Variants in RTTN observed in about 807,000 individuals in gnomAD.
RTTN encodes rotatin.
In RTTN, 182 loss-of-function variants were observed where a neutral mutation model predicts 269.2. That is an observed-to-expected ratio of 0.68 (90% CI 0.60 to 0.76). RTTN has a LOEUF of 0.76. Among genes scored for constraint, RTTN ranks in the 30% least tolerant of loss-of-function variants. The pLI, the probability that RTTN is intolerant of heterozygous loss-of-function variation, is 0.00. For synonymous variants in RTTN, 1,006 were observed against 963.5 expected (o/e 1.04, Z -0.82); for missense variants, 2,545 against 2,608.6 (o/e 0.98, Z 0.53).
chr18:70,097,374 C>T (rs1270989714), intron 28 of RTTN, among the ~76,000 whole-genome samples: 3 of 152,218 alleles, frequency 2.0e-5, no homozygotes, highest in South Asian at 4.1e-4. Context: ...TGTTCTCTCA[C>T]ATAAGCCTTA....
At chr18:70,155,895 T>A (rs994804684) in intron 14 of RTTN, among the ~76,000 whole-genome samples, 1 of 152,208 alleles carries the variant, frequency 6.6e-6, no homozygotes, top group African/African-American at 2.4e-5. Flanking sequence ...TGGACACTTA[T>A]CACTTCCCCA....
chr18:70,086,605 T>C lies in RTTN; in HGVS notation c.4374+8A>G. On this transcript the variant is annotated splice_region_variant and intron_variant, in intron 32 of 48. Transcript: ENST00000640769. ...CTACTAGGTTGATAATTGTTTAAAATCACCCACCTGCCAAGTATAATCCTT... is the reference window on the plus strand; with the variant it reads ...CTACTAGGTTGATAATTGTTTAAAACCACCCACCTGCCAAGTATAATCCTT... 1 of 1,565,926 alleles carries C rather than the reference T, an allele frequency of 6.4e-7. No individual in the cohort carries two copies. The highest frequency in any genetic ancestry group is 8.7e-7 in the Non-Finnish European group (1 of 1,155,296).
chr18:70,104,963 GCTGT>G (rs759699121), intron 28 of RTTN, among the ~76,000 whole-genome samples: 1 of 152,220 alleles, frequency 6.6e-6, no homozygotes, highest in Non-Finnish European at 1.5e-5. Flanking sequence ...ACTTGAGGAG[GCTGT>G]CTGTCTGTTC....
At chr18:70,012,866 T>C (rs1169140399) in intron 46 of RTTN, among the ~76,000 whole-genome samples, 1 of 152,060 alleles carries the variant, frequency 6.6e-6, no homozygotes, top group Non-Finnish European at 1.5e-5. Context: ...TAAATATTCG[T>C]TGTGTGAAAG....
chr18:70,032,540 G>A (rs2057046987), intron 40 of RTTN, among the ~76,000 whole-genome samples: 1 of 152,144 alleles, frequency 6.6e-6, no homozygotes, highest in Non-Finnish European at 1.5e-5. Context: ...TCTAATTTCA[G>A]ACAAAATAGA....
At chr18:70,164,753 A>G (rs1172093136) in intron 14 of RTTN, among the ~76,000 whole-genome samples, 1 of 152,214 alleles carries the variant, frequency 6.6e-6, no homozygotes, top group Non-Finnish European at 1.5e-5. Flanking sequence ...GAGAAAAGCA[A>G]TATTCAAAAT....
intron 10 of RTTN, among the ~76,000 whole-genome samples, chr18:70,185,151 TA>T (rs568050429): frequency 1.1e-4 from 16 of 145,960 alleles, no homozygotes; most frequent in African/African-American, 2.5e-4. Flanking sequence ...TGTATACCCA[TA>T]AAAAAAAAAG....
intron 8 of RTTN, among the ~76,000 whole-genome samples, chr18:70,191,704 C>T (rs283249): frequency 0.96 from 145,923 of 152,300 alleles, 70,235 homozygotes; most frequent in East Asian, 1. Flanking sequence ...TATCCACAAC[C>T]GAAGCTGGAT....
rs1195822480 is a variant in RTTN at position 70,144,463 on chromosome 18, A to G, written c.2481+1149T>C. Among the ~76,000 whole-genome samples, 5 of 152,202 alleles carry G rather than the reference A, an allele frequency of 3.3e-5. No individual in the cohort carries two copies. In the East Asian group the frequency reaches 5.8e-4, roughly 18 times the overall value. ...AAGTCCCTTACTGTCACTTCATGCT[A>G]GAACAGAATCTGAGGTGGCAAAACC... On this transcript the variant is annotated intron_variant, in intron 18 of 48. Coordinates refer to ENST00000640769, the MANE Select transcript of RTTN (RefSeq NM_173630.4).
intron 19 of RTTN, among the ~76,000 whole-genome samples, chr18:70,142,051 G>C (rs1013785747): frequency 2.6e-5 from 4 of 152,160 alleles, no homozygotes; most frequent in Non-Finnish European, 5.9e-5. Flanking sequence ...AGGTTAGTAA[G>C]CATGTTGTTA....
At chr18:70,008,377 A>G (rs2056261708) in intron 46 of RTTN, 1 of 152,122 alleles carries the variant, frequency 6.6e-6, no homozygotes, top group Non-Finnish European at 1.5e-5. Context: ...CCTCACCAGC[A>G]AGGGAACAAA....
intron 43 of RTTN, among the ~76,000 whole-genome samples, chr18:70,026,259 TAA>T (rs917499130): frequency 2.4e-4 from 36 of 152,180 alleles, no homozygotes; most frequent in African/African-American, 8.4e-4. Flanking sequence ...TCATTTCTGA[TAA>T]GAGTCTGGAT....
chr18:70,189,034 G>C (rs1486185908), intron 9 of RTTN, among the ~76,000 whole-genome samples: 1 of 152,156 alleles, frequency 6.6e-6, no homozygotes. Flanking sequence ...AAAAGGGCAG[G>C]AGAACATTTA....
At chr18:70,133,473 G>A (rs1005866271) in intron 23 of RTTN, among the ~76,000 whole-genome samples, 3 of 152,020 alleles carry the variant, frequency 2.0e-5, no homozygotes, top group African/African-American at 7.2e-5. Context: ...GCCCAAAACA[G>A]AAAACAAATT....
intron 4 of RTTN, among the ~76,000 whole-genome samples, chr18:70,201,131 C>A (rs1187812276): frequency 6.6e-6 from 1 of 152,192 alleles, no homozygotes; most frequent in Non-Finnish European, 1.5e-5. Flanking sequence ...GATGAGATTC[C>A]AGATTCCAGA....
In RTTN at chr18:70,065,860, A is replaced by G; in HGVS notation, c.4716T>C (p.Pro1572=). 6.2e-7 allele frequency: 1 copy of G among 1,601,534 alleles called. No individual in the cohort carries two copies. Among genetic ancestry groups the G allele is most frequent in the South Asian group, 1.1e-5 (1 of 88,928 alleles). ...QPLVQSTTLL[P]EASHDQFVAQ... ...CCACAAACTGGTCATGGGAGGCTTC[A>G]GGTAGAAGTGTTGTTGACTGCACAA... The change falls in exon 35 of 49, where the codon CCT becomes CCC. Residue 1572 remains proline, a synonymous_variant. Coordinates refer to ENST00000640769, the MANE Select transcript of RTTN (RefSeq NM_173630.4).
chr18:70,189,683 C>T (rs2061625837), intron 9 of RTTN, among the ~76,000 whole-genome samples: 1 of 152,136 alleles, frequency 6.6e-6, no homozygotes, highest in South Asian at 2.1e-4. Flanking sequence ...TCAGCTTCAT[C>T]ATTTGTAAAA....
At chr18:70,161,113 G>A (rs1054365290) in intron 14 of RTTN, among the ~76,000 whole-genome samples, 1 of 152,190 alleles carries the variant, frequency 6.6e-6, no homozygotes, top group Non-Finnish European at 1.5e-5. Context: ...TGGGGCTACA[G>A]TAACCAAAAC....
intron 26 of RTTN, among the ~76,000 whole-genome samples, chr18:70,116,978 A>C (rs1235045847): frequency 6.8e-6 from 1 of 147,912 alleles, no homozygotes; most frequent in Non-Finnish European, 1.5e-5. Flanking sequence ...ACTATAAACA[A>C]AATATCATAT....
Sources: allele counts gnomAD v4.1 joint callset (sites outside exome capture counted in the v4.1 genomes callset), GRCh38; gene constraint gnomAD v4.1.1; transcripts MANE v1.5; gene names NCBI Gene and HGNC (gene_info 2026-07-23, HGNC 2026-07-21).